MEMO1: variants seen among roughly 807,000 people sequenced by gnomAD.
The protein encoded by MEMO1 is mediator of cell motility 1.
A neutral mutation model predicts 45.2 loss-of-function variants in MEMO1; 6 were observed. The observed-to-expected ratio is 0.13, with a 90% confidence interval of 0.07 to 0.26. The LOEUF (loss-of-function observed/expected upper bound fraction) is 0.26, where lower values mean the gene tolerates loss of function less well. MEMO1 is among the 10% of genes least tolerant of loss of function. The pLI is 1.00. For synonymous variants in MEMO1, 78 were observed against 124.3 expected (o/e 0.63, Z 2.48); for missense variants, 184 against 370.5 (o/e 0.50, Z 4.13).
chr2:31,938,962 T>C (rs1363232372), intron 3 of MEMO1, among the ~76,000 whole-genome samples: 3 of 151,756 alleles, frequency 2.0e-5, no homozygotes, highest in African/African-American at 7.3e-5. Context: ...AATTTTTGTA[T>C]TTTTTGTAGA....
At chr2:31,871,801 G>A (rs549152234) in intron 8 of MEMO1, among the ~76,000 whole-genome samples, 1 of 152,172 alleles carries the variant, frequency 6.6e-6, no homozygotes, top group Non-Finnish European at 1.5e-5. Context: ...GTCACCTGAG[G>A]TCAGGAGTTT....
At chr2:31,991,628 AAATTT>A (rs776154610) in intron 2 of MEMO1, among the ~76,000 whole-genome samples, 19 of 152,228 alleles carry the variant, frequency 1.2e-4, no homozygotes, top group African/African-American at 3.4e-4. Flanking sequence ...TTTTAATTTA[AAATTT>A]AATTTAATTA....
intron 2 of MEMO1, among the ~76,000 whole-genome samples, chr2:31,974,487 C>A (rs1466709350): frequency 1.3e-5 from 2 of 152,206 alleles, no homozygotes; most frequent in African/African-American, 4.8e-5. Flanking sequence ...TGACTCACGC[C>A]TGTAATCCCA....
At chr2:31,953,613 G>A (rs1667093925) in intron 2 of MEMO1, among the ~76,000 whole-genome samples, 1 of 151,792 alleles carries the variant, frequency 6.6e-6, no homozygotes, top group African/African-American at 2.4e-5. Flanking sequence ...GCACCACCAT[G>A]TCCAGCTCAT....
rs753056756 is a variant in MEMO1, at chr2:31,920,926, C to CA, written c.213-17dup. On this transcript the variant is annotated splice_polypyrimidine_tract_variant and intron_variant, in intron 4 of 9. Transcript: ENST00000404530. ...AATTCTCCGGCTAGGAGATACACAA[C>CA]AAAAAAACACGTAACAATTGCACTT... The CA allele has an allele frequency of 6.0e-6, 9 of 1,508,008 alleles. No individual in the cohort carries two copies. Among genetic ancestry groups the CA allele is most frequent in the Admixed American group, 1.9e-5 (1 of 53,926 alleles). 93.4% of individuals were successfully genotyped at this position (1,508,008 alleles called of 1,614,324 possible).
intron 2 of MEMO1, among the ~76,000 whole-genome samples, chr2:32,006,120 G>A (rs972633674): frequency 2.1e-4 from 32 of 152,292 alleles, no homozygotes; most frequent in South Asian, 6.2e-4. Flanking sequence ...AGGGGAAAGC[G>A]GTCATAGAGA....
At chr2:31,884,733 G>A (rs797003586) in intron 7 of MEMO1, among the ~76,000 whole-genome samples, 57 of 151,744 alleles carry the variant, frequency 3.8e-4, no homozygotes, top group African/African-American at 1.2e-3. Context: ...TTAACTTTTC[G>A]TATACAGTAA....
In MEMO1 at chr2:31,935,741, C is replaced by T. The variant is rs376662114; in HGVS notation, c.144-3606G>A. On this transcript the variant is annotated intron_variant, in intron 3 of 9. Coordinates refer to ENST00000404530, the MANE Select transcript of MEMO1 (RefSeq NM_001301833.4). ...AAATCACACTACAGATGCTCTTTTC[C>T]TAATCTTTCTCTCGCTAACAGACCC... Among the ~76,000 whole-genome samples the T allele has an allele frequency of 7.9e-5, 12 of 152,190 alleles. No homozygotes were observed. In the East Asian group the frequency reaches 1.9e-3, roughly 25 times the overall value.
intron 2 of MEMO1, among the ~76,000 whole-genome samples, chr2:32,009,706 G>C (rs1193845209): frequency 3.9e-5 from 6 of 152,188 alleles, no homozygotes; most frequent in Non-Finnish European, 5.9e-5. Flanking sequence ...AGACGGGAGA[G>C]GAAAGGAAAG....
chr2:31,949,450 A>G (rs918574489), intron 2 of MEMO1, among the ~76,000 whole-genome samples: 2 of 152,142 alleles, frequency 1.3e-5, no homozygotes, highest in Admixed American at 6.5e-5. Flanking sequence ...CTGCAATAAC[A>G]TGGATAGAAT....
intron 4 of MEMO1, among the ~76,000 whole-genome samples, chr2:31,925,234 T>C (rs554565989): frequency 3.3e-5 from 5 of 152,024 alleles, no homozygotes; most frequent in Admixed American, 1.3e-4. Context: ...TGCCAGCACT[T>C]TGGGAGGCTG....
At chr2:32,010,154 G>C (rs745704945) in intron 2 of MEMO1, 33 bp downstream of exon 2, 2 of 1,225,348 alleles carry the variant, frequency 1.6e-6, no homozygotes, top group South Asian at 3.8e-5. Flanking sequence ...AGGCGGCGAC[G>C]GCGGCGGGCG....
intron 2 of MEMO1, chr2:31,963,223 C>G: frequency 6.5e-7 from 1 of 1,547,754 alleles, no homozygotes; most frequent in Non-Finnish European, 8.7e-7. Context: ...TGGCACTTGT[C>G]AGCCCTCCAT....
Position 31,890,095 on chromosome 2 carries a change from T to C in MEMO1, c.580+1897A>G, listed in dbSNP as rs181842605. Among the ~76,000 whole-genome samples the C allele has an allele frequency of 3.4e-4, 52 of 152,276 alleles. 1 individual carries two copies. The East Asian group carries it at 9.5e-3, about 28-fold the overall frequency. ...ACTGTAGTTACATATAGCAGTGGAC[T>C]AGGCTTTGGTTACTTTAGAATTCTT... is the stretch of plus-strand genomic sequence containing the variant. On this transcript the variant is annotated intron_variant, in intron 7 of 9. Transcript: ENST00000404530.
chr2:31,932,197 A>G, intron 3 of MEMO1, 62 bp from the exon 4 acceptor site: 1 of 1,403,946 alleles, frequency 7.1e-7, no homozygotes, highest in South Asian at 1.2e-5. Context: ...TTCTAGAAAG[A>G]AAAACCTTGA....
At chr2:31,876,870 C>T (rs1211512204) in intron 8 of MEMO1, among the ~76,000 whole-genome samples, 2 of 152,100 alleles carry the variant, frequency 1.3e-5, no homozygotes, top group East Asian at 1.9e-4. Context: ...CATTTCTGTC[C>T]CTCTCTTCTA....
Position 31,986,213 on chromosome 2 carries a change from T to C in MEMO1, c.61+23974A>G, listed in dbSNP as rs536758192. Among the ~76,000 whole-genome samples the C allele has an allele frequency of 1.1e-4, 16 of 152,204 alleles. No individual in the cohort carries two copies. The East Asian group carries it at 1.5e-3, about 15-fold the overall frequency. ...GTCGAGACCATCCTGGCTAACACGG[T>C]GAAACCCCGTCTCTACTAAAAATAC... is the stretch of plus-strand genomic sequence containing the variant. On this transcript the variant is annotated intron_variant, in intron 2 of 9. Coordinates refer to ENST00000404530, the MANE Select transcript of MEMO1 (RefSeq NM_001301833.4).
At chr2:31,914,465 T>C (rs985220904) in intron 6 of MEMO1, among the ~76,000 whole-genome samples, 2 of 152,162 alleles carry the variant, frequency 1.3e-5, no homozygotes, top group African/African-American at 2.4e-5. Context: ...AACTCAATTG[T>C]ACATTTTTAA....
At chr2:31,895,117 TAATA>T (rs992111828) in intron 6 of MEMO1, among the ~76,000 whole-genome samples, 1 of 152,132 alleles carries the variant, frequency 6.6e-6, no homozygotes, top group Admixed American at 6.6e-5. Context: ...TGAAAGTTCC[TAATA>T]AATAAATAAA....
Sources: allele counts gnomAD v4.1 joint callset (sites outside exome capture counted in the v4.1 genomes callset), GRCh38; gene constraint gnomAD v4.1.1; transcripts MANE v1.5; gene names NCBI Gene and HGNC (gene_info 2026-07-23, HGNC 2026-07-21).